MPRIP: variants seen among roughly 807,000 people sequenced by gnomAD.
The protein encoded by MPRIP is myosin phosphatase Rho interacting protein.
A neutral mutation model predicts 234.9 loss-of-function variants in MPRIP; 59 were observed. The ratio of observed to expected loss-of-function variants is 0.25; its 90% CI spans 0.20 to 0.31. The LOEUF (loss-of-function observed/expected upper bound fraction) is 0.31, where lower values mean the gene tolerates loss of function less well. Among genes scored for constraint, MPRIP ranks in the 10% least tolerant of loss-of-function variants. The pLI, the probability that MPRIP is intolerant of heterozygous loss-of-function variation, is 1.00. For missense variants in MPRIP, 2,436 were observed against 3,071.0 expected (o/e 0.79, Z 4.89); for synonymous variants, 1,144 against 1,263.9 (o/e 0.91, Z 2.01).
chr17:17,174,367 C>T (rs1225723515), intron 19 of MPRIP, among the ~76,000 whole-genome samples: 5 of 152,202 alleles, frequency 3.3e-5, no homozygotes, highest in African/African-American at 7.2e-5. Flanking sequence ...CTGAGACTCT[C>T]GGGTGTCTTG....
chr17:17,044,019 A>G (rs891700099), intron 1 of MPRIP, among the ~76,000 whole-genome samples: 1 of 152,144 alleles, frequency 6.6e-6, no homozygotes, highest in African/African-American at 2.4e-5. Context: ...GTTGTTTTTA[A>G]TGCCACTTCA....
In MPRIP at chr17:17,165,591, C is replaced by T; in HGVS notation, c.4000C>T (p.His1334Tyr). Residue 1334 changes from histidine to tyrosine, a missense_variant, in exon 16 of 24, where the codon CAC (histidine) becomes TAC (tyrosine). Around this residue, in one of 4 missense-constraint regions of MPRIP, gnomAD observed 1,998 missense variants for 2,520.3 expected, o/e 0.79. Transcript: ENST00000651222. ...FSTIQCQRYI[H>Y]PEGSEKTWTS... ...CACAATCCAGTGCCAAAGATACATT[C>T]ACCCCGAAGGGTCTGAGAAGACCTG... is the stretch of plus-strand genomic sequence containing the variant. 7.7e-7 allele frequency: 1 copy of T among 1,304,820 alleles called. No individual in the cohort carries two copies. The highest frequency in any genetic ancestry group is 1.0e-6 in the Non-Finnish European group (1 of 989,054). The allele number at this position is 1,304,820 out of a possible 1,614,324, so 80.8% of individuals were successfully genotyped here.
intron 1 of MPRIP, among the ~76,000 whole-genome samples, chr17:17,055,451 CT>C (rs1034252307): frequency 1.3e-5 from 2 of 152,176 alleles, no homozygotes; most frequent in Admixed American, 6.5e-5. Flanking sequence ...TCGTGGCCCC[CT>C]GGTCACCAGT....
At chr17:17,082,650 TTTTAAGTG>T (rs2089491828) in intron 3 of MPRIP, among the ~76,000 whole-genome samples, 1 of 152,164 alleles carries the variant, frequency 6.6e-6, no homozygotes, top group African/African-American at 2.4e-5. Flanking sequence ...TCTTAATCGT[TTTTAAGTG>T]TGCAGTTCAG....
At chr17:17,178,748 CTACAAAAAA>C (rs2046310986) in intron 22 of MPRIP, 1 of 151,244 alleles carries the variant, frequency 6.6e-6, no homozygotes, top group Non-Finnish European at 1.5e-5. Context: ...AACCCTGTCT[CTACAAAAAA>C]TACAAAAAAA....
rs111794924 is a variant in MPRIP, at chr17:17,142,583, G to C, written c.1251-44G>C. ...GGAGTCGGCTCACTGCCACCTCACA[G>C]CTCACCTCACTGCCACCTCAGGGCC... On this transcript the variant is annotated intron_variant, in intron 7 of 23. Transcript: ENST00000651222. The C allele has an allele frequency of 6.1e-4, 981 of 1,603,276 alleles. 3 individuals are homozygous for C. The African/African-American group carries it at 0.012, about 19-fold the overall frequency.
At chr17:17,096,387 G>C (rs1474009234) in intron 3 of MPRIP, among the ~76,000 whole-genome samples, 2 of 149,034 alleles carry the variant, frequency 1.3e-5, no homozygotes, top group African/African-American at 2.5e-5. Flanking sequence ...GTGTGTGTTG[G>C]CATCCTGCAT....
At chr17:17,046,072 C>G (rs1033638962) in intron 1 of MPRIP, among the ~76,000 whole-genome samples, 2 of 152,146 alleles carry the variant, frequency 1.3e-5, no homozygotes, top group Non-Finnish European at 2.9e-5. Flanking sequence ...CCCAAAGTGC[C>G]GGGATTACAG....
chr17:17,152,223 C>G (rs2045618513), intron 12 of MPRIP, among the ~76,000 whole-genome samples: 1 of 152,272 alleles, frequency 6.6e-6, no homozygotes, highest in Non-Finnish European at 1.5e-5. Context: ...CCTGCACTGC[C>G]CAAGTTTCAA....
At chr17:17,081,303 T>A (rs1455636054) in intron 3 of MPRIP, among the ~76,000 whole-genome samples, 1 of 152,246 alleles carries the variant, frequency 6.6e-6, no homozygotes, top group Non-Finnish European at 1.5e-5. Flanking sequence ...AGCATGGGGT[T>A]TGGGCGGCAC....
chr17:17,110,598 C>G (rs557587731), intron 3 of MPRIP, among the ~76,000 whole-genome samples: 1 of 152,184 alleles, frequency 6.6e-6, no homozygotes, highest in East Asian at 1.9e-4. Flanking sequence ...GAGAAACTGA[C>G]AGGCACGACC....
intron 3 of MPRIP, among the ~76,000 whole-genome samples, chr17:17,118,632 G>T (rs962900877): frequency 6.6e-6 from 1 of 152,200 alleles, no homozygotes; most frequent in East Asian, 1.9e-4. Flanking sequence ...GACTGGGAAG[G>T]GGGAAGGGAG....
intron 1 of MPRIP, among the ~76,000 whole-genome samples, chr17:17,054,149 A>T (rs887369222): frequency 1.6e-4 from 24 of 152,254 alleles, no homozygotes; most frequent in African/African-American, 5.5e-4. Flanking sequence ...ATGAATAAAA[A>T]CAAGTAAGAT....
rs113455101 is a variant in MPRIP, at chr17:17,067,249, C to T, written c.124-8461C>T. On this transcript the variant is annotated intron_variant, in intron 1 of 23. Transcript: ENST00000651222. Reference sequence around the variant, plus strand: ...TTTTTTCTTAAATTGAAAACTTTTACCATTTCCCTTAAAGGAAGCACTTTA... The same window carrying T: ...TTTTTTCTTAAATTGAAAACTTTTATCATTTCCCTTAAAGGAAGCACTTTA... Among the ~76,000 whole-genome samples, 341 of 152,232 alleles carry T rather than the reference C, an allele frequency of 2.2e-3. 2 individuals carry two copies. The highest frequency in any genetic ancestry group is 7.7e-3 in the African/African-American group (320 of 41,532).
rs1260995528 is a variant in MPRIP at position 17,164,524 on chromosome 17, C to G, written c.2933C>G (p.Thr978Arg). The change falls in exon 16 of 24, where the codon ACA becomes AGA. Residue 978 changes from threonine (T) to arginine (R), a missense_variant. Coordinates refer to ENST00000651222, the MANE Select transcript of MPRIP (RefSeq NM_001364716.4). ...EKTQELRGLE[T>R]QQALQRDRQK... ...ACGCAGGAGCTACGGGGCCTGGAGACACAGCAGGCGCTGCAGCGGGACCGG... is the reference window on the plus strand; with the variant it reads ...ACGCAGGAGCTACGGGGCCTGGAGAGACAGCAGGCGCTGCAGCGGGACCGG... 1.3e-5 allele frequency: 16 copies of G among 1,209,644 alleles called. No individual in the cohort carries two copies. In the Admixed American group the frequency reaches 2.1e-4, roughly 16 times the overall value. 74.9% of individuals were successfully genotyped at this position (1,209,644 alleles called of 1,614,324 possible). A position where few individuals can be genotyped will look rare whatever the true frequency, so the allele number is the denominator to read the frequency against.
chr17:17,117,998 C>G (rs1422160182), intron 3 of MPRIP, among the ~76,000 whole-genome samples: 1 of 152,220 alleles, frequency 6.6e-6, no homozygotes, highest in Non-Finnish European at 1.5e-5. Context: ...CTCAGAACTT[C>G]TGCAGAGGGA....
chr17:17,078,061 C>T lies in MPRIP; in HGVS notation c.252C>T (p.Tyr84=), dbSNP rs759729546. The change falls in exon 3 of 24, where the codon TAC becomes TAT. Residue 84 remains tyrosine, a synonymous_variant. Transcript: ENST00000651222. This position sits in a 1 kb window ranked among gnomAD's most constrained non-coding sequence, Gnocchi z 4.3. ...FILYEHGLLR[Y]ALDEMPTTLP... is the part of the protein sequence containing the mutation. ...TTTACGAGCACGGCCTCTTGCGCTACGCCCTGGATGAGATGGTAAGTGTTA... is the reference window on the plus strand; with the variant it reads ...TTTACGAGCACGGCCTCTTGCGCTATGCCCTGGATGAGATGGTAAGTGTTA... 2.3e-5 allele frequency: 37 copies of T among 1,614,032 alleles called. No individual in the cohort carries two copies. Among genetic ancestry groups the T allele is most frequent in the African/African-American group, 6.7e-5 (5 of 74,920 alleles).
chr17:17,124,648 G>T (rs1387501731), intron 3 of MPRIP, among the ~76,000 whole-genome samples: 2 of 152,208 alleles, frequency 1.3e-5, no homozygotes, highest in African/African-American at 4.8e-5. Context: ...ATGTCATCCA[G>T]TCCTCACTGT....
Position 17,172,740 on chromosome 17 carries a change from G to A in MPRIP, c.6515G>A (p.Arg2172Gln), listed in dbSNP as rs1051827209. 3.1e-6 allele frequency: 5 copies of A among 1,611,934 alleles called. No individual in the cohort carries two copies. The highest frequency in any genetic ancestry group is 2.5e-6 in the Non-Finnish European group (3 of 1,180,016). The change falls in exon 18 of 24, where the codon CGG becomes CAG. Residue 2172 changes from arginine (R) to glutamine (Q), a missense_variant. Physicochemically the swap from Arg to Gln is conservative, Grantham distance 43 (BLOSUM62 1). Coordinates refer to ENST00000651222, the MANE Select transcript of MPRIP (RefSeq NM_001364716.4). ...MKNAHREEME[R>Q]ELEKSQRSQI... is the part of the protein sequence containing the mutation. ...AACGCCCACCGGGAGGAAATGGAGCGGGAGCTGGAGAAGAGCCAGCGGTCC... is the reference window on the plus strand; with the variant it reads ...AACGCCCACCGGGAGGAAATGGAGCAGGAGCTGGAGAAGAGCCAGCGGTCC...
Sources: gnomAD v4.1 joint callset for allele counts (sites outside exome capture counted in the v4.1 genomes callset) on GRCh38, gnomAD v4.1.1 for gene constraint, gnomAD v4.1.1 regional missense constraint, Gnocchi (gnomAD v3.1) non-coding constraint, MANE v1.5 for transcripts, NCBI Gene and HGNC (gene_info 2026-07-23, HGNC 2026-07-21) for gene names.